The following PRPF18 variants were observed in gnomAD, a reference collection of about 807,000 sequenced individuals.
PRPF18 encodes pre-mRNA processing factor 18, also known as pre-mRNA-splicing factor 18.
In PRPF18, 38 loss-of-function variants were observed where a neutral mutation model predicts 46.5. That is an observed-to-expected ratio of 0.82 (90% CI 0.63 to 1.07). The LOEUF (loss-of-function observed/expected upper bound fraction) is 1.07, where lower values mean the gene tolerates loss of function less well. Ranked by LOEUF, PRPF18 falls within the 50% of genes least tolerant of loss-of-function variation. The probability of loss-of-function intolerance (pLI) is 0.00; values close to 1 mark genes in which losing one functional copy is unlikely to be tolerated. For missense variants in PRPF18, 263 were observed against 410.0 expected, an observed-to-expected ratio of 0.64 and a Z score of 3.10; for synonymous variants, 152 against 146.7, an observed-to-expected ratio of 1.04 and a Z score of -0.26.
At chr10:13,633,556 T>G (rs1307139682), downstream of PRPF18, among the ~76,000 whole-genome samples, 2 of 152,184 alleles carry the variant, frequency 1.3e-5, no homozygotes, top group Admixed American at 6.5e-5. Context: ...CAGCCACATG[T>G]GCTCACCTTT....
intron 3 of PRPF18, among the ~76,000 whole-genome samples, chr10:13,604,046 ATC>A (rs2080151344): frequency 1.3e-5 from 2 of 152,364 alleles, no homozygotes; most frequent in Non-Finnish European, 2.9e-5. Context: ...GAAGCAAAAC[ATC>A]TCTGTCTAAA....
intron 2 of PRPF18, among the ~76,000 whole-genome samples, chr10:13,597,873 C>A (rs1362585207): frequency 6.6e-6 from 1 of 151,962 alleles, no homozygotes; most frequent in Non-Finnish European, 1.5e-5. Flanking sequence ...CTCTCCCCCA[C>A]CTCTCCCAAT....
At chr10:13,600,178 A>AGCT in intron 2 of PRPF18, 66 bp from the exon 3 acceptor site, 7 of 1,239,870 alleles carry the variant, frequency 5.6e-6, no homozygotes, top group Middle Eastern at 2.0e-4. Context: ...TAGCTAAGGT[A>AGCT]ATGGAATGAT....
chr10:13,588,658 C>T (rs987265601), intron 1 of PRPF18, among the ~76,000 whole-genome samples: 9 of 152,022 alleles, frequency 5.9e-5, no homozygotes, highest in African/African-American at 2.2e-4. Context: ...CTCCTTCTCT[C>T]TTCTTCAACA....
At chr10:13,614,854 TC>T (rs2080318813) in intron 8 of PRPF18, among the ~76,000 whole-genome samples, 1 of 152,144 alleles carries the variant, frequency 6.6e-6, no homozygotes, top group South Asian at 2.1e-4. Context: ...TGGCCGTGCC[TC>T]CCAAGGCACT....
At chr10:13,614,168 G>A in intron 8 of PRPF18, 82 bp downstream of exon 8, 1 of 1,062,912 alleles carries the variant, frequency 9.4e-7, no homozygotes, top group East Asian at 2.5e-5. Flanking sequence ...TGGGATAGGA[G>A]GATTTTACAT....
chr10:13,638,299 CTTTTTTTT>C, the PRPF18 span, among the ~76,000 whole-genome samples: 2 of 125,040 alleles, frequency 1.6e-5, no homozygotes, highest in South Asian at 2.6e-4. Flanking sequence ...CTTGGCTTTT[CTTTTTTTT>C]TTTTTTTTTT....
chr10:13,652,216 A>T, the PRPF18 span: 1 of 564,008 alleles, frequency 1.8e-6, no homozygotes, highest in Non-Finnish European at 3.2e-6. Context: ...TTTGTATCAC[A>T]TCATAGCAAA....
At chr10:13,629,562 T>C (rs1054127527) in intron 9 of PRPF18, among the ~76,000 whole-genome samples, 5 of 152,234 alleles carry the variant, frequency 3.3e-5, no homozygotes, top group African/African-American at 1.2e-4. Context: ...TCCTTTCTTT[T>C]TGAAAAACCG....
chr10:13,638,604 A>C, the PRPF18 span: 1 of 152,188 alleles, frequency 6.6e-6, no homozygotes, highest in Non-Finnish European at 1.5e-5. Context: ...CAAAGGCCTG[A>C]GAACCAGGAG....
intron 1 of PRPF18, 92 bp from the exon 2 acceptor site, chr10:13,597,366 G>A (rs2080050428): frequency 1.2e-6 from 1 of 841,838 alleles, no homozygotes; most frequent in East Asian, 2.8e-5. Context: ...ACTGAAGAGT[G>A]TTTCCAAAGT....
At chr10:13,654,526 G>C in the PRPF18 span, 1 of 1,558,540 alleles carries the variant, frequency 6.4e-7, no homozygotes, top group Non-Finnish European at 8.8e-7. Flanking sequence ...CATGCAGGTG[G>C]TGCAAGAAAG....
At position 13,613,630 on chromosome 10, in the gene PRPF18, A is replaced by G. The variant is rs138358074; in HGVS notation, c.580-111A>G. 5.2e-4 allele frequency: 613 copies of G among 1,174,096 alleles called. 6 individuals carry two copies. In the Admixed American group the frequency reaches 0.014, roughly 27 times the overall value. 72.7% of individuals were successfully genotyped at this position (1,174,096 alleles called of 1,614,324 possible). A position where few individuals can be genotyped will look rare whatever the true frequency, so the allele number is the denominator to read the frequency against. ...ATATTATTTGGTGGCATTTTAATCA[A>G]GACATTTACTTTAAGGATGATTGTA... On this transcript the variant is annotated intron_variant, in intron 6 of 9. Coordinates refer to ENST00000378572, the MANE Select transcript of PRPF18 (RefSeq NM_003675.4).
chr10:13,607,163 C>G (rs1169082875), intron 4 of PRPF18, among the ~76,000 whole-genome samples: 7 of 152,186 alleles, frequency 4.6e-5, no homozygotes, highest in African/African-American at 1.4e-4. Flanking sequence ...ATAATCATGG[C>G]TCATGGCAGC....
the PRPF18 span, chr10:13,642,076 A>ACGAC: frequency 6.6e-6 from 1 of 152,240 alleles, no homozygotes. Context: ...TGCTGGGAGC[A>ACGAC]TGACTTTGTG....
Position 13,612,040 on chromosome 10 carries a change from T to A in PRPF18, c.579+357T>A, listed in dbSNP as rs1306279467. Among the ~76,000 whole-genome samples, 3 of 151,934 alleles carry A rather than the reference T, an allele frequency of 2.0e-5. No individual in the cohort carries two copies. The East Asian group carries it at 5.8e-4, about 29-fold the overall frequency. ...GATTACAGGCACCCACCACCATGCTTGGCTAATTTTTGTATTTTTAGTAGA... is the reference window on the plus strand; with the variant it reads ...GATTACAGGCACCCACCACCATGCTAGGCTAATTTTTGTATTTTTAGTAGA... On this transcript the variant is annotated intron_variant, in intron 6 of 9. Transcript: ENST00000378572.
At chr10:13,597,341 T>A in intron 1 of PRPF18, 117 bp from the exon 2 acceptor site, 1 of 682,976 alleles carries the variant, frequency 1.5e-6, no homozygotes, top group South Asian at 2.2e-5. Flanking sequence ...ATTTATTTTA[T>A]CCAATTCTTG....
At chr10:13,588,935 A>C (rs1380728786) in intron 1 of PRPF18, among the ~76,000 whole-genome samples, 2 of 152,246 alleles carry the variant, frequency 1.3e-5, no homozygotes, top group Non-Finnish European at 1.5e-5. Flanking sequence ...TAGAAGTTAA[A>C]ACTGAGAAAC....
chr10:13,641,451 T>C, the PRPF18 span: 1 of 152,158 alleles, frequency 6.6e-6, no homozygotes, highest in Non-Finnish European at 1.5e-5. Context: ...GTCTAGGATA[T>C]AGGGATAAAT....
Sources: allele counts gnomAD v4.1 joint callset (sites outside exome capture counted in the v4.1 genomes callset), GRCh38; gene constraint gnomAD v4.1.1; transcripts MANE v1.5; gene names NCBI Gene and HGNC (gene_info 2026-07-23, HGNC 2026-07-21).